TAB1: variants seen among roughly 807,000 people sequenced by gnomAD.
TAB1 encodes TGF-beta-activated kinase 1 and MAP3K7-binding protein 1.
In TAB1, 30 loss-of-function variants were observed where a neutral mutation model predicts 54.5. The ratio of observed to expected loss-of-function variants is 0.55; its 90% CI spans 0.41 to 0.75. The LOEUF is 0.75. Among genes scored for constraint, TAB1 ranks in the 30% least tolerant of loss-of-function variants. The pLI, the probability that TAB1 is intolerant of heterozygous loss-of-function variation, is 0.00. For synonymous variants in TAB1, 289 were observed against 286.9 expected (o/e 1.01, Z -0.07); for missense variants, 609 against 683.2 (o/e 0.89, Z 1.21).
At position 39,401,113 on chromosome 22, in the gene TAB1, C is replaced by CT. The variant is rs1437083095; in HGVS notation, c.33+1279dup. Among the ~76,000 whole-genome samples, 68 of 151,542 alleles carry CT rather than the reference C, an allele frequency of 4.5e-4. 1 individual carries two copies. Among genetic ancestry groups the CT allele is most frequent in the African/African-American group, 1.6e-3 (64 of 41,214 alleles). ...TGATCTCTTGTTTACCGCTGTGTCT[C>CT]TATTATCTATCACCATGTGCTGGGC... On this transcript the variant is annotated intron_variant, in intron 1 of 10. Coordinates refer to ENST00000216160, the MANE Select transcript of TAB1 (RefSeq NM_006116.3).
At chr22:39,421,014 GCCCCTCCCAGGTGCTGGTGTGTCC>G (rs1927066320) in intron 7 of TAB1, among the ~76,000 whole-genome samples, 1 of 151,466 alleles carries the variant, frequency 6.6e-6, no homozygotes, top group Non-Finnish European at 1.5e-5. Context: ...GGTGTGTCCT[GCCCCTCCCAGGTGCTGGTGTGTCC>G]TGCCCCTCCC....
chr22:39,407,640 C>T (rs1436113767), intron 1 of TAB1, among the ~76,000 whole-genome samples: 1 of 152,138 alleles, frequency 6.6e-6, no homozygotes, highest in South Asian at 2.1e-4. Context: ...CGTCTGCCAC[C>T]ACGCCCGGCT....
Position 39,431,258 on chromosome 22 carries a change from C to CT in TAB1, c.*1037dup. 2 of 985,536 alleles carry CT rather than the reference C, an allele frequency of 2.0e-6. No homozygotes were observed. The highest frequency in any genetic ancestry group is 9.4e-5 in the South Asian group (2 of 21,290). The allele number at this position is 985,536 out of a possible 1,614,324, so 61.0% of individuals were successfully genotyped here. A position where few individuals can be genotyped will look rare whatever the true frequency, so the allele number is the denominator to read the frequency against. ...AGCCCAGCCCAGGGCCTGAGTTAGA[C>CT]TATTTCCCACATGTTCTCTGCCTTC... On this transcript the variant is annotated 3_prime_UTR_variant, in exon 11 of 11. Transcript: ENST00000216160.
At chr22:39,423,395 A>G (rs1447539230) in intron 8 of TAB1, among the ~76,000 whole-genome samples, 1 of 152,218 alleles carries the variant, frequency 6.6e-6, no homozygotes, top group Non-Finnish European at 1.5e-5. Context: ...ACTTGAGGTC[A>G]GGAGTTCGAG....
chr22:39,404,315 G>A (rs1281428627), intron 1 of TAB1, among the ~76,000 whole-genome samples: 1 of 152,178 alleles, frequency 6.6e-6, no homozygotes, highest in Non-Finnish European at 1.5e-5. Context: ...TAGGCATGGT[G>A]GCTCATGCCT....
chr22:39,407,775 G>A (rs528990191), intron 1 of TAB1, among the ~76,000 whole-genome samples: 8 of 151,690 alleles, frequency 5.3e-5, no homozygotes, highest in Non-Finnish European at 7.4e-5. Context: ...GTGAGCCACC[G>A]TGCCCAGCCT....
chr22:39,400,479 A>C (rs1306821068), intron 1 of TAB1, among the ~76,000 whole-genome samples: 1 of 152,196 alleles, frequency 6.6e-6, no homozygotes, highest in Non-Finnish European at 1.5e-5. Flanking sequence ...TGTCTCCCTC[A>C]GCCTCAGTTT....
At position 39,415,761 on chromosome 22, in the gene TAB1, G is replaced by A. The variant is rs1393185135; in HGVS notation, c.324+108G>A. ...CCAGGGTTGGTGTGAAGATCCTGCC[G>A]GCCCCTTCACCCCAGTAGAGGAGCA... On this transcript the variant is annotated intron_variant, in intron 3 of 10. Coordinates refer to ENST00000216160, the MANE Select transcript of TAB1 (RefSeq NM_006116.3). This position sits in a 1 kb window ranked among gnomAD's most constrained non-coding sequence, Gnocchi z 4.9. 13 of 1,414,946 alleles carry A rather than the reference G, an allele frequency of 9.2e-6. No homozygotes were observed. The highest frequency in any genetic ancestry group is 6.8e-5 in the South Asian group (5 of 73,822). The allele number at this position is 1,414,946 out of a possible 1,614,324, so 87.6% of individuals were successfully genotyped here.
intron 10 of TAB1, chr22:39,429,376 C>T (rs913561017): frequency 7.1e-6 from 7 of 985,336 alleles, no homozygotes; most frequent in Middle Eastern, 5.2e-4. Flanking sequence ...CAGCTTCACC[C>T]GAGGAACTTC....
Position 39,421,614 on chromosome 22 carries a change from G to T in TAB1, c.777-213G>T, listed in dbSNP as rs569611830. 3.5e-4 allele frequency: 203 copies of T among 586,098 alleles called. 1 individual carries two copies. In the African/African-American group the frequency reaches 3.5e-3, roughly 10 times the overall value. The allele number at this position is 586,098 out of a possible 1,614,324, so 36.3% of individuals were successfully genotyped here. ...TTTGCCATCCTGACCTCAGCTGCCT[G>T]CCAGTTTTTATGGCCTTCCAAGCTT... On this transcript the variant is annotated intron_variant, in intron 7 of 10. Transcript: ENST00000216160.
In TAB1 at chr22:39,421,762, G is replaced by C; in HGVS notation, c.777-65G>C. The C allele has an allele frequency of 5.1e-6, 8 of 1,567,024 alleles. No homozygotes were observed. In the South Asian group the frequency reaches 6.8e-5, roughly 13 times the overall value. The stretch of plus-strand genomic sequence containing the variant: ...TTCTGGGCATAGATTCCTCCCCTCA[G>C]CAGAATCAGCATCCACCTGCGGGCT... On this transcript the variant is annotated intron_variant, in intron 7 of 10. Transcript: ENST00000216160.
downstream of TAB1, chr22:39,433,564 G>C: frequency 1.0e-6 from 1 of 985,448 alleles, no homozygotes. Flanking sequence ...CAGGTGGTCT[G>C]AGGGCGCCGC....
At chr22:39,407,489 G>A in intron 1 of TAB1, among the ~76,000 whole-genome samples, 1 of 141,814 alleles carries the variant, frequency 7.1e-6, no homozygotes, top group African/African-American at 2.6e-5. Flanking sequence ...TTGTTGTTTT[G>A]TTTTTTTTTT....
chr22:39,409,084 A>G (rs934058346), intron 1 of TAB1, among the ~76,000 whole-genome samples: 3 of 152,224 alleles, frequency 2.0e-5, no homozygotes, highest in African/African-American at 7.2e-5. Context: ...AGCCTTCTAG[A>G]AAATAGAAAT....
Position 39,404,935 on chromosome 22 carries a change from CATT to C in TAB1, c.33+5101_33+5103del, listed in dbSNP as rs1601682297. On this transcript the variant is annotated intron_variant, in intron 1 of 10. Transcript: ENST00000216160. ...TCCGGAAGGTTGGAGGTGGTGGGGG[CATT>C]GGGGCCTTGGAAGCTTTTTGGAGAG... 2.0e-5 allele frequency among the ~76,000 whole-genome samples: 3 copies of C among 152,276 alleles called. No individual in the cohort carries two copies. In the East Asian group the frequency reaches 5.8e-4, roughly 29 times the overall value.
intron 7 of TAB1, among the ~76,000 whole-genome samples, chr22:39,421,485 C>T (rs1480607085): frequency 6.6e-6 from 1 of 152,196 alleles, no homozygotes; most frequent in Non-Finnish European, 1.5e-5. Context: ...GAGGCTTGGG[C>T]TCCCAGGGAT....
At chr22:39,432,906 G>C, downstream of TAB1, 1 of 985,424 alleles carries the variant, frequency 1.0e-6, no homozygotes, top group Non-Finnish European at 1.2e-6. Context: ...GGAAGCTCGG[G>C]AATGGGTTTG....
Position 39,421,916 on chromosome 22 carries a change from C to A in TAB1, c.866C>A (p.Ser289Ter). Residue 289 changes from serine (S) to a stop codon, truncating the protein, a stop_gained, in exon 8 of 11, where the codon TCG becomes TAG. Coordinates refer to ENST00000216160, the MANE Select transcript of TAB1 (RefSeq NM_006116.3). LOFTEE classifies it high-confidence loss of function. Reference protein sequence around the residue: ...DGVTGFLVLMSEGLYKALEAA... With the variant: ...DGVTGFLVLM Reference sequence around the variant, plus strand: ...GTGACGGGCTTCTTGGTGCTGATGTCGGAGGGGTTGTACAAGGCCCTAGAG... The same window carrying A: ...GTGACGGGCTTCTTGGTGCTGATGTAGGAGGGGTTGTACAAGGCCCTAGAG... The A allele has an allele frequency of 6.2e-7, 1 of 1,611,558 alleles. No individual in the cohort carries two copies. Among genetic ancestry groups the A allele is most frequent in the South Asian group, 1.1e-5 (1 of 90,700 alleles).
chr22:39,429,428 G>GA, intron 10 of TAB1: 1 of 923,278 alleles, frequency 1.1e-6, no homozygotes, highest in East Asian at 1.2e-4. Context: ...GTCCTGTCAC[G>GA]GCGTCTCTAG....
Sources: allele counts gnomAD v4.1 joint callset (sites outside exome capture counted in the v4.1 genomes callset), GRCh38; gene constraint gnomAD v4.1.1; non-coding constraint Gnocchi (gnomAD v3.1); transcripts MANE v1.5; gene names NCBI Gene and HGNC (gene_info 2026-07-23, HGNC 2026-07-21).